The following SUSD5 variants were observed in gnomAD, a reference collection of about 807,000 sequenced individuals.
SUSD5 encodes the protein sushi domain containing 5, also known as sushi domain-containing protein 5.
SUSD5 carries 33 observed loss-of-function variants against 29.5 expected under a neutral mutation model. That is an observed-to-expected ratio of 1.12 (90% CI 0.85 to 1.49). SUSD5 has a LOEUF of 1.49. Ranked by LOEUF, SUSD5 falls within the 40% of genes most tolerant of loss-of-function variation. The pLI is 0.00. For synonymous variants in SUSD5, 308 were observed against 325.3 expected, an observed-to-expected ratio of 0.95 and a Z score of 0.57; for missense variants, 776 against 800.6, an observed-to-expected ratio of 0.97 and a Z score of 0.37.
At chr3:33,154,477 C>T (rs146395143) in intron 4 of SUSD5, among the ~76,000 whole-genome samples, 144 of 152,176 alleles carry the variant, frequency 9.5e-4, no homozygotes, top group African/African-American at 3.3e-3. Context: ...GAGCCAACAT[C>T]GTACCACTGC....
intron 4 of SUSD5, among the ~76,000 whole-genome samples, chr3:33,173,749 A>C (rs1021288642): frequency 6.6e-6 from 1 of 152,230 alleles, no homozygotes; most frequent in African/African-American, 2.4e-5. Context: ...ATGGGAGGTC[A>C]GGGAGGGGGT....
At chr3:33,179,700 T>C (rs1014905249) in intron 3 of SUSD5, among the ~76,000 whole-genome samples, 3 of 152,238 alleles carry the variant, frequency 2.0e-5, no homozygotes, top group African/African-American at 7.2e-5. Context: ...TCTTCTCTCA[T>C]AGTCTGGCTA....
At chr3:33,205,659 G>A (rs1376932700) in intron 3 of SUSD5, among the ~76,000 whole-genome samples, 1 of 152,230 alleles carries the variant, frequency 6.6e-6, no homozygotes, top group African/African-American at 2.4e-5. Context: ...TTGCTCGATG[G>A]TCTGTGAGGT....
At position 33,164,082 on chromosome 3, in the gene SUSD5, G is replaced by A. The variant is rs181580809; in HGVS notation, c.599-10049C>T. On this transcript the variant is annotated intron_variant, in intron 4 of 4. Transcript: ENST00000309558. Reference sequence around the variant, plus strand: ...CCAGCTGCTCAGGAGGCTGAGACAGGAGAATCACTTGAACCCAGGAGGTGG... The same window carrying A: ...CCAGCTGCTCAGGAGGCTGAGACAGAAGAATCACTTGAACCCAGGAGGTGG... Among the ~76,000 whole-genome samples the A allele has an allele frequency of 5.4e-3, 826 of 152,242 alleles. 7 individuals carry two copies. The highest frequency in any genetic ancestry group is 9.7e-3 in the Admixed American group (149 of 15,284).
rs763963318 is a variant in SUSD5, at chr3:33,153,288, C to T, written c.1344G>A (p.Ala448=). Residue 448 remains alanine (A), a synonymous_variant, in exon 5 of 5, where the codon GCG becomes GCA. Coordinates refer to ENST00000309558, the MANE Select transcript of SUSD5 (RefSeq NM_015551.2). Reference sequence around the variant, plus strand: ...TCTCGGAAGCATTCACGGGTCTGAGCGCCAAAGCTTCCACATCTAGCATTT... The same window carrying T: ...TCTCGGAAGCATTCACGGGTCTGAGTGCCAAAGCTTCCACATCTAGCATTT... ...PSQMLDVEAL[A]LRPVNASETE... 8.7e-6 allele frequency: 14 copies of T among 1,613,794 alleles called. No individual in the cohort carries two copies. The highest frequency in any genetic ancestry group is 4.5e-5 in the East Asian group (2 of 44,874).
In SUSD5 at chr3:33,153,323, G is replaced by A. The variant is rs373374348; in HGVS notation, c.1309C>T (p.Leu437Phe). ...TCCACATCTAGCATTTGAGATGGAA[G>A]AACTGAACTATGGGTCATGCCCTCG... ...PSEGMTHSSV[L>F]PSQMLDVEAL... The change falls in exon 5 of 5, where the codon CTT becomes TTT. Residue 437 changes from leucine to phenylalanine, a missense_variant. Transcript: ENST00000309558. 9.9e-5 allele frequency: 160 copies of A among 1,613,858 alleles called. No individual in the cohort carries two copies. The highest frequency in any genetic ancestry group is 1.5e-4 in the Admixed American group (9 of 60,006).
rs28733947 is a variant in SUSD5, at chr3:33,167,189, T to A, written c.598+7697A>T. Among the ~76,000 whole-genome samples the A allele has an allele frequency of 0.054, 8,091 of 149,962 alleles. 268 individuals are homozygous for A. The highest frequency in any genetic ancestry group is 0.08 in the Non-Finnish European group (5,415 of 67,546). On this transcript the variant is annotated intron_variant, in intron 4 of 4. Transcript: ENST00000309558. The surrounding 1 kb of genome is among the most constrained non-coding windows in gnomAD (Gnocchi z 4.1). ...AGCGAGACTCCATCTCAAAAAAATA[T>A]ATATATATATAAATATATATATAAA...
intron 3 of SUSD5, among the ~76,000 whole-genome samples, chr3:33,199,297 G>A (rs918918053): frequency 2.7e-5 from 4 of 150,834 alleles, no homozygotes; most frequent in South Asian, 2.1e-4. Flanking sequence ...TTTTTGAGAC[G>A]GAGTCTCGCT....
intron 3 of SUSD5, among the ~76,000 whole-genome samples, chr3:33,185,880 T>C (rs2125624675): frequency 6.6e-6 from 1 of 152,328 alleles, no homozygotes. Context: ...ATGCACATTT[T>C]TGTACCTATC....
At chr3:33,184,594 T>C (rs2031741094) in intron 3 of SUSD5, among the ~76,000 whole-genome samples, 1 of 151,808 alleles carries the variant, frequency 6.6e-6, no homozygotes, top group Admixed American at 6.6e-5. Flanking sequence ...AGTTCTTGGA[T>C]ATTCTGTTCT....
In SUSD5 at chr3:33,218,761, GC is replaced by G; in HGVS notation, c.36del (p.Trp12CysfsTer80). ...GCCCAGAGCCCGGGGAGGCGTCTGT[GC>G]CAACGGGCAGGCGGGCTGGGTCCCT... Reference protein sequence around the residue: ...TAEGPSPPARWHRRLPGLWAA... With the variant: ...TAEGPSPPARXHRRLPGLWAA... On this transcript the variant is annotated frameshift_variant, in exon 1 of 5. Transcript: ENST00000309558. LOFTEE classifies it high-confidence loss of function. 7.0e-7 allele frequency: 1 copy of G among 1,425,302 alleles called. No homozygotes were observed. Among genetic ancestry groups the G allele is most frequent in the Non-Finnish European group, 9.1e-7 (1 of 1,096,466 alleles). 88.3% of individuals were successfully genotyped at this position (1,425,302 alleles called of 1,614,324 possible).
chr3:33,206,521 T>C (rs561109772), intron 3 of SUSD5, among the ~76,000 whole-genome samples: 20 of 152,140 alleles, frequency 1.3e-4, no homozygotes, highest in Admixed American at 3.9e-4. Context: ...CCAAGTCACA[T>C]CTCTCAGTTG....
intron 3 of SUSD5, among the ~76,000 whole-genome samples, chr3:33,176,904 A>G (rs1027587609): frequency 6.6e-6 from 1 of 152,158 alleles, no homozygotes; most frequent in African/African-American, 2.4e-5. Context: ...AATCAACTAT[A>G]TTTATGTGGG....
intron 3 of SUSD5, among the ~76,000 whole-genome samples, chr3:33,195,378 A>G (rs139260270): frequency 0.015 from 2,349 of 152,274 alleles, 53 homozygotes; most frequent in African/African-American, 0.052. Context: ...TATTAAATTA[A>G]CAACCAGCTC....
intron 4 of SUSD5, among the ~76,000 whole-genome samples, chr3:33,155,871 G>A (rs772890940): frequency 1.3e-5 from 2 of 152,196 alleles, no homozygotes; most frequent in Non-Finnish European, 2.9e-5. Context: ...TTACACTTGG[G>A]TAGGAGAGAA....
intron 3 of SUSD5, among the ~76,000 whole-genome samples, chr3:33,195,494 T>C (rs952545836): frequency 1.5e-4 from 23 of 152,138 alleles, no homozygotes; most frequent in Admixed American, 1.0e-3. Flanking sequence ...CTTAATGCAA[T>C]TTCTGGCTCA....
intron 2 of SUSD5, among the ~76,000 whole-genome samples, chr3:33,210,423 T>A (rs2032302017): frequency 6.6e-6 from 1 of 152,200 alleles, no homozygotes. Context: ...CCTAGTCCCA[T>A]GTGGCTATTA....
In SUSD5 at chr3:33,153,360, G is replaced by T; in HGVS notation, c.1272C>A (p.Thr424=). 6.2e-7 allele frequency: 1 copy of T among 1,613,838 alleles called. No homozygotes were observed. The highest frequency in any genetic ancestry group is 8.5e-7 in the Non-Finnish European group (1 of 1,179,832). Residue 424 remains threonine, a synonymous_variant, in exon 5 of 5, where the codon ACC becomes ACA. Transcript: ENST00000309558. The part of the protein sequence containing the change: ...LVEVKKPKSS[T]LTPSEGMTHS... ...GGGTCATGCCCTCGCTTGGTGTGAG[G>T]GTGCTACTCTTGGGCTTCTTAACTT...
intron 3 of SUSD5, among the ~76,000 whole-genome samples, chr3:33,203,693 C>T (rs34339288): frequency 0.16 from 24,715 of 152,130 alleles, 2,577 homozygotes; most frequent in African/African-American, 0.29. Flanking sequence ...GCTGAGACGA[C>T]CTAGATACTC....
Sources: gnomAD v4.1 joint callset for allele counts (sites outside exome capture counted in the v4.1 genomes callset) on GRCh38, gnomAD v4.1.1 for gene constraint, Gnocchi (gnomAD v3.1) non-coding constraint, MANE v1.5 for transcripts, NCBI Gene and HGNC (gene_info 2026-07-23, HGNC 2026-07-21) for gene names.